The following ABCC4 variants were observed in gnomAD, a reference collection of about 807,000 sequenced individuals.
The protein encoded by ABCC4 is ATP-binding cassette sub-family C member 4.
A neutral mutation model predicts 168.5 loss-of-function variants in ABCC4; 102 were observed. That is an observed-to-expected ratio of 0.61 (90% CI 0.52 to 0.71). The LOEUF (loss-of-function observed/expected upper bound fraction) is 0.71, where lower values mean the gene tolerates loss of function less well. ABCC4 is among the 30% of genes least tolerant of loss of function. The pLI is 0.00. For synonymous variants in ABCC4, 617 were observed against 590.7 expected, an observed-to-expected ratio of 1.04 and a Z score of -0.65; for missense variants, 1,402 against 1,605.8, an observed-to-expected ratio of 0.87 and a Z score of 2.17.
rs57683681 is a variant in ABCC4 at position 95,131,456 on chromosome 13, C to T, written c.2456-15455G>A. ...CAGCCTGGCCAACATGGTGAAACCCCGTCTCTACTAAAAATATAAAAAATT... is the reference window on the plus strand; with the variant it reads ...CAGCCTGGCCAACATGGTGAAACCCTGTCTCTACTAAAAATATAAAAAATT... On this transcript the variant is annotated intron_variant, in intron 19 of 30. Transcript: ENST00000645237. Among the ~76,000 whole-genome samples the T allele has an allele frequency of 9.7e-3, 1,470 of 152,030 alleles. 21 individuals carry two copies. Among genetic ancestry groups the T allele is most frequent in the African/African-American group, 0.033 (1,380 of 41,468 alleles).
chr13:95,030,869 C>T (rs6492762), intron 30 of ABCC4, among the ~76,000 whole-genome samples: 135,471 of 152,256 alleles, frequency 0.89, 61,154 homozygotes, highest in East Asian at 1. Context: ...TGTAATTATG[C>T]AATTTAAATT....
intron 22 of ABCC4, 152 bp from the exon 23 acceptor site, chr13:95,074,476 C>T: frequency 1.6e-6 from 1 of 625,368 alleles, no homozygotes. Flanking sequence ...CTAAGTGATA[C>T]AGGCAATATA....
chr13:95,112,188 A>G (rs2035226678), intron 20 of ABCC4, among the ~76,000 whole-genome samples: 1 of 152,112 alleles, frequency 6.6e-6, no homozygotes, highest in South Asian at 2.1e-4. Context: ...CCCTGTCTCT[A>G]CTAAAAATAC....
chr13:95,262,183 A>G (rs2040549867), intron 1 of ABCC4, among the ~76,000 whole-genome samples: 1 of 152,172 alleles, frequency 6.6e-6, no homozygotes, highest in Non-Finnish European at 1.5e-5. Context: ...TCCCAGGAAC[A>G]CTCTCTGCAA....
Position 95,211,048 on chromosome 13 carries a change from A to G in ABCC4, c.532-267T>C, listed in dbSNP as rs1017753331. 2.6e-5 allele frequency among the ~76,000 whole-genome samples: 4 copies of G among 152,218 alleles called. No individual in the cohort carries two copies. In the East Asian group the frequency reaches 7.7e-4, roughly 29 times the overall value. Reference sequence around the variant, plus strand: ...GACACGCCCCCAAGTACAAAAGGACATAAGTTTCTACTTAAGAGCCAACCA... The same window carrying G: ...GACACGCCCCCAAGTACAAAAGGACGTAAGTTTCTACTTAAGAGCCAACCA... On this transcript the variant is annotated intron_variant, in intron 4 of 30. Transcript: ENST00000645237.
intron 1 of ABCC4, among the ~76,000 whole-genome samples, chr13:95,268,255 G>A (rs866112606): frequency 2.0e-5 from 3 of 152,176 alleles, no homozygotes; most frequent in Non-Finnish European, 4.4e-5. Flanking sequence ...TGAAGACAGC[G>A]TGCTTCTTAA....
At chr13:95,234,584 C>A in intron 4 of ABCC4, 26 bp downstream of exon 4, 1 of 1,580,440 alleles carries the variant, frequency 6.3e-7, no homozygotes, top group African/African-American at 1.3e-5. Flanking sequence ...AGGTGAGGTA[C>A]ATGTTTAATG....
rs1226284769 is a variant in ABCC4, at chr13:95,135,416, CT to C, written c.2456-19416del. On this transcript the variant is annotated intron_variant, in intron 19 of 30. Transcript: ENST00000645237. ...GTAAAATATAATAATGTCCATAATTCTTTTTTTTTTTTTTTTGAGAGGGTCT... is the reference window on the plus strand; with the variant it reads ...GTAAAATATAATAATGTCCATAATTCTTTTTTTTTTTTTTTGAGAGGGTCT... Among the ~76,000 whole-genome samples, 611 of 138,770 alleles carry C rather than the reference CT, an allele frequency of 4.4e-3. 1 individual carries two copies. Among genetic ancestry groups the C allele is most frequent in the East Asian group, 5.2e-3 (25 of 4,826 alleles). 91.0% of individuals were successfully genotyped at this position (138,770 alleles called of 152,430 possible).
intron 1 of ABCC4, among the ~76,000 whole-genome samples, chr13:95,274,875 G>A (rs982685935): frequency 2.0e-5 from 3 of 152,090 alleles, no homozygotes; most frequent in South Asian, 2.1e-4. Context: ...TCAGGAGTTC[G>A]AGACCAGCCT....
intron 10 of ABCC4, among the ~76,000 whole-genome samples, 159 bp downstream of exon 10, chr13:95,188,294 T>C (rs2038133277): frequency 6.6e-6 from 1 of 152,242 alleles, no homozygotes; most frequent in Non-Finnish European, 1.5e-5. Flanking sequence ...TATTTGGTCA[T>C]GTGACCCTTC....
At position 95,235,489 on chromosome 13, in the gene ABCC4, C is replaced by T. The variant is rs185202020; in HGVS notation, c.307-655G>A. ...AGTAAGGAATTTGCTTACAAACAGA[C>T]ACCCCAGCTCTCACCCCACTTCCTC... On this transcript the variant is annotated intron_variant, in intron 3 of 30. Coordinates refer to ENST00000645237, the MANE Select transcript of ABCC4 (RefSeq NM_005845.5). Among the ~76,000 whole-genome samples, 497 of 152,276 alleles carry T rather than the reference C, an allele frequency of 3.3e-3. 2 individuals carry two copies. Among genetic ancestry groups the T allele is most frequent in the Middle Eastern group, 0.017 (5 of 294 alleles).
chr13:95,023,270 T>G (rs1209036681), intron 30 of ABCC4, among the ~76,000 whole-genome samples: 1 of 152,168 alleles, frequency 6.6e-6, no homozygotes, highest in African/African-American at 2.4e-5. Context: ...ACCCAAATGG[T>G]CTTAGCTTCA....
At chr13:95,037,786 A>C (rs1418039699) in intron 29 of ABCC4, among the ~76,000 whole-genome samples, 1 of 152,184 alleles carries the variant, frequency 6.6e-6, no homozygotes, top group Admixed American at 6.5e-5. Flanking sequence ...ACTTTCCACT[A>C]CAATTTGAGT....
At chr13:95,190,874 G>A (rs1393856477) in intron 9 of ABCC4, among the ~76,000 whole-genome samples, 2 of 152,192 alleles carry the variant, frequency 1.3e-5, no homozygotes, top group Non-Finnish European at 2.9e-5. Context: ...AAATCCTTTC[G>A]GAAGTGGCTA....
intron 4 of ABCC4, among the ~76,000 whole-genome samples, chr13:95,216,689 T>C (rs2039123407): frequency 2.0e-5 from 3 of 149,156 alleles, no homozygotes; most frequent in Admixed American, 1.3e-4. Flanking sequence ...CACAAAGCCA[T>C]GTAAATTAAA....
At chr13:95,296,339 A>G (rs1269354580) in intron 1 of ABCC4, among the ~76,000 whole-genome samples, 1 of 150,868 alleles carries the variant, frequency 6.6e-6, no homozygotes, top group Non-Finnish European at 1.5e-5. Flanking sequence ...TATTTTTTTT[A>G]TTATAGAAAA....
At chr13:95,253,257 C>T (rs1050891729) in intron 1 of ABCC4, among the ~76,000 whole-genome samples, 2 of 152,232 alleles carry the variant, frequency 1.3e-5, no homozygotes, top group South Asian at 4.1e-4. Flanking sequence ...CACCCTCTGC[C>T]TTTACCTACG....
At chr13:95,272,383 A>ACATTGC (rs150988051) in intron 1 of ABCC4, among the ~76,000 whole-genome samples, 4,087 of 152,218 alleles carry the variant, frequency 0.027, 158 homozygotes, top group African/African-American at 0.092. Flanking sequence ...TGTTTACAAC[A>ACATTGC]TTCTCTAAGC....
At chr13:95,276,249 A>T (rs2040967016) in intron 1 of ABCC4, among the ~76,000 whole-genome samples, 1 of 152,036 alleles carries the variant, frequency 6.6e-6, no homozygotes, top group African/African-American at 2.4e-5. Context: ...CCTAGTCCCT[A>T]CAAAAAAATT....
Sources: gnomAD v4.1 joint callset for allele counts (sites outside exome capture counted in the v4.1 genomes callset) on GRCh38, gnomAD v4.1.1 for gene constraint, MANE v1.5 for transcripts, NCBI Gene and HGNC (gene_info 2026-07-23, HGNC 2026-07-21) for gene names.